The following CUEDC1 variants were observed in gnomAD, a reference collection of about 807,000 sequenced individuals.
The protein encoded by CUEDC1 is CUE domain containing 1, also known as CUE domain-containing protein 1.
CUEDC1 carries 30 observed loss-of-function variants against 43.7 expected under a neutral mutation model. The ratio of observed to expected loss-of-function variants is 0.69; its 90% CI spans 0.51 to 0.93. The LOEUF (loss-of-function observed/expected upper bound fraction) is 0.93. Among genes scored for constraint, CUEDC1 ranks in the 40% least tolerant of loss-of-function variants. CUEDC1 has a pLI of 0.00. For missense variants in CUEDC1, 486 were observed against 549.0 expected, an observed-to-expected ratio of 0.89 and a Z score of 1.15; for synonymous variants, 223 against 223.6, an observed-to-expected ratio of 1.00 and a Z score of 0.02.
At chr17:57,939,864 A>C (rs1177369776) in intron 1 of CUEDC1, among the ~76,000 whole-genome samples, 2 of 152,178 alleles carry the variant, frequency 1.3e-5, no homozygotes, top group African/African-American at 4.8e-5. Context: ...GCACATCCAC[A>C]GCAGCAGCGG....
At chr17:57,917,736 C>G (rs1454882323) in intron 1 of CUEDC1, among the ~76,000 whole-genome samples, 1 of 152,216 alleles carries the variant, frequency 6.6e-6, no homozygotes, top group African/African-American at 2.4e-5. Context: ...AGCCTGTGAA[C>G]AGCAGGCTCA....
chr17:57,905,049 C>G (rs575128416), intron 1 of CUEDC1, among the ~76,000 whole-genome samples: 1 of 152,138 alleles, frequency 6.6e-6, no homozygotes, highest in South Asian at 2.1e-4. Context: ...CTGCCCGGGG[C>G]TCTGCAGAAA....
intron 9 of CUEDC1, 186 bp downstream of exon 9, chr17:57,867,171 T>C: frequency 1.6e-6 from 1 of 628,200 alleles, no homozygotes; most frequent in Non-Finnish European, 2.9e-6. Flanking sequence ...TTTTCAGGGG[T>C]TGCAGAAAGG....
At chr17:57,932,778 C>T (rs567363543) in intron 1 of CUEDC1, among the ~76,000 whole-genome samples, 5 of 146,502 alleles carry the variant, frequency 3.4e-5, no homozygotes, top group Admixed American at 1.4e-4. Context: ...AGGAGAATTG[C>T]TTGAACCCAG....
At chr17:57,867,648 C>T in intron 8 of CUEDC1, 2 of 581,326 alleles carry the variant, frequency 3.4e-6, no homozygotes, top group Non-Finnish European at 6.2e-6. Context: ...GAAACAGCTT[C>T]CTCCCTGTTT....
At chr17:57,901,691 T>C (rs1039590997) in intron 1 of CUEDC1, among the ~76,000 whole-genome samples, 1 of 152,128 alleles carries the variant, frequency 6.6e-6, no homozygotes, top group Non-Finnish European at 1.5e-5. Flanking sequence ...CAACACAGAA[T>C]GGGCATGAGG....
intron 1 of CUEDC1, among the ~76,000 whole-genome samples, chr17:57,901,164 C>T (rs1010946133): frequency 1.3e-5 from 2 of 152,234 alleles, no homozygotes; most frequent in Non-Finnish European, 2.9e-5. Flanking sequence ...GCCAAGTGAC[C>T]TCGGACACAT....
intron 1 of CUEDC1, among the ~76,000 whole-genome samples, chr17:57,949,483 G>A (rs890514526): frequency 1.3e-5 from 2 of 151,042 alleles, no homozygotes; most frequent in Non-Finnish European, 2.9e-5. Flanking sequence ...CTTCAAGCAG[G>A]ACACAAATCC....
In CUEDC1 at chr17:57,873,527, G is replaced by A. The variant is rs2304945; in HGVS notation, c.591+64C>T. ...GAAGTAAAACTGGCTGGCACAAATTGTGTGGGCAAAGAGAGATGCTGGACA... is the reference window on the plus strand; with the variant it reads ...GAAGTAAAACTGGCTGGCACAAATTATGTGGGCAAAGAGAGATGCTGGACA... On this transcript the variant is annotated intron_variant, in intron 4 of 10. Coordinates refer to ENST00000577830, the MANE Select transcript of CUEDC1 (RefSeq NM_001271875.2). 1,595 of 1,466,706 alleles carry A rather than the reference G, an allele frequency of 1.1e-3. 29 individuals carry two copies. In the East Asian group the frequency reaches 0.036, roughly 33 times the overall value. The allele number at this position is 1,466,706 out of a possible 1,614,324, so 90.9% of individuals were successfully genotyped here. A position where few individuals can be genotyped will look rare whatever the true frequency, so the allele number is the denominator to read the frequency against.
At chr17:57,947,178 C>T (rs2074967467) in intron 1 of CUEDC1, among the ~76,000 whole-genome samples, 1 of 151,802 alleles carries the variant, frequency 6.6e-6, no homozygotes, top group African/African-American at 2.4e-5. Context: ...TTGCAGTGCC[C>T]TCCTAACATC....
chr17:57,868,662 C>T (rs918278971), intron 7 of CUEDC1, among the ~76,000 whole-genome samples: 4 of 152,138 alleles, frequency 2.6e-5, no homozygotes, highest in Admixed American at 6.5e-5. Context: ...TGAAATGGAG[C>T]CTGAAAGGAT....
intron 1 of CUEDC1, among the ~76,000 whole-genome samples, chr17:57,939,687 C>T (rs916779140): frequency 1.7e-4 from 26 of 152,298 alleles, no homozygotes; most frequent in African/African-American, 6.3e-4. Flanking sequence ...CGTGATCATG[C>T]CCTCCTGGCC....
intron 1 of CUEDC1, among the ~76,000 whole-genome samples, chr17:57,900,536 A>G (rs1422381133): frequency 6.6e-6 from 1 of 152,232 alleles, no homozygotes; most frequent in Admixed American, 6.5e-5. Context: ...ATTATGCATC[A>G]TCAGAGAAGC....
chr17:57,875,203 G>A (rs999417051), intron 3 of CUEDC1, among the ~76,000 whole-genome samples: 13 of 152,272 alleles, frequency 8.5e-5, no homozygotes, highest in African/African-American at 3.1e-4. Flanking sequence ...AGGGACCCTC[G>A]CCAGGGGTAT....
chr17:57,907,251 G>T (rs996626171), intron 1 of CUEDC1, among the ~76,000 whole-genome samples: 1 of 152,152 alleles, frequency 6.6e-6, no homozygotes, highest in African/African-American at 2.4e-5. Context: ...GTTATGATAC[G>T]CTAGGAAACA....
chr17:57,952,231 TG>T lies in CUEDC1; in HGVS notation c.-316+2993del, dbSNP rs1443046726. On this transcript the variant is annotated intron_variant, in intron 1 of 10. Coordinates refer to ENST00000577830, the MANE Select transcript of CUEDC1 (RefSeq NM_001271875.2). ...TTATTTTATTTTATTTATTTATTTA[TG>T]TTTTTTTTTTGGAGACAAAGTTTTG... Among the ~76,000 whole-genome samples the T allele has an allele frequency of 3.5e-4, 53 of 151,782 alleles. 1 individual carries two copies. The highest frequency in any genetic ancestry group is 1.2e-3 in the African/African-American group (49 of 41,450).
intron 1 of CUEDC1, among the ~76,000 whole-genome samples, chr17:57,893,650 G>T (rs1306768401): frequency 6.6e-6 from 1 of 152,238 alleles, no homozygotes; most frequent in Non-Finnish European, 1.5e-5. Flanking sequence ...GAAGGGCAAA[G>T]AGGACCCTCG....
chr17:57,873,124 G>A (rs1293070715), intron 4 of CUEDC1, among the ~76,000 whole-genome samples: 1 of 152,192 alleles, frequency 6.6e-6, no homozygotes, highest in African/African-American at 2.4e-5. Context: ...GAACAGTCCT[G>A]AAAACAAATC....
At chr17:57,907,312 T>C (rs1386033516) in intron 1 of CUEDC1, among the ~76,000 whole-genome samples, 2 of 152,032 alleles carry the variant, frequency 1.3e-5, no homozygotes, top group South Asian at 2.1e-4. Flanking sequence ...TCAGGGAACC[T>C]TGGACAGGAG....
Sources: gnomAD v4.1 joint callset for allele counts (sites outside exome capture counted in the v4.1 genomes callset) on GRCh38, gnomAD v4.1.1 for gene constraint, MANE v1.5 for transcripts, NCBI Gene and HGNC (gene_info 2026-07-23, HGNC 2026-07-21) for gene names.